Variants in RAB30 observed in about 807,000 individuals in gnomAD.
RAB30 encodes the protein RAB30, member RAS oncogene family, also known as ras-related protein Rab-30.
Under a neutral mutation model 25.1 loss-of-function variants are expected in RAB30, and 9 were observed. The observed-to-expected ratio is 0.36, with a 90% CI of 0.22 to 0.63. The LOEUF is 0.63. Among genes scored for constraint, RAB30 ranks in the 20% least tolerant of loss-of-function variants. The pLI is 0.69. For synonymous variants in RAB30, 77 were observed against 86.4 expected, an observed-to-expected ratio of 0.89 and a Z score of 0.60; for missense variants, 140 against 243.5, an observed-to-expected ratio of 0.58 and a Z score of 2.83.
chr11:83,059,598 C>G (rs1388328945), intron 1 of RAB30, among the ~76,000 whole-genome samples: 1 of 152,220 alleles, frequency 6.6e-6, no homozygotes, highest in Non-Finnish European at 1.5e-5. Flanking sequence ...AACCAAGTAG[C>G]AGGACCAGCT....
intron 1 of RAB30, among the ~76,000 whole-genome samples, chr11:83,012,745 G>A (rs1396204274): frequency 6.6e-6 from 1 of 152,156 alleles, no homozygotes; most frequent in Admixed American, 6.5e-5. Flanking sequence ...TATTGTTATT[G>A]TTGGGCGAAA....
At chr11:82,990,142 A>G (rs1856821961) in intron 3 of RAB30, among the ~76,000 whole-genome samples, 1 of 152,228 alleles carries the variant, frequency 6.6e-6, no homozygotes, top group Non-Finnish European at 1.5e-5. Context: ...TCTCACCTTC[A>G]GCATGTGGCT....
intron 1 of RAB30, among the ~76,000 whole-genome samples, chr11:83,012,786 C>G (rs1857332076): frequency 6.6e-6 from 1 of 152,128 alleles, no homozygotes. Context: ...CATGCAGAGC[C>G]CTCCACAGCC....
intron 1 of RAB30, among the ~76,000 whole-genome samples, chr11:83,056,888 A>ACTT (rs1250184661): frequency 5.3e-5 from 8 of 152,252 alleles, no homozygotes; most frequent in Admixed American, 5.2e-4. Flanking sequence ...AATGAAAATA[A>ACTT]CTTACTATAC....
intron 1 of RAB30, among the ~76,000 whole-genome samples, chr11:82,998,120 A>T (rs1856997479): frequency 6.6e-6 from 1 of 152,216 alleles, no homozygotes; most frequent in Admixed American, 6.5e-5. Flanking sequence ...CACTTGCTGT[A>T]TACAATTGTT....
chr11:83,023,124 T>C (rs1022383017), intron 1 of RAB30, among the ~76,000 whole-genome samples: 11 of 152,116 alleles, frequency 7.2e-5, no homozygotes, highest in Non-Finnish European at 1.3e-4. Context: ...TTCTAATAGT[T>C]GGGGGAAAAT....
chr11:82,976,894 T>A lies in RAB30; in HGVS notation c.*5271A>T, dbSNP rs1856554984. The A allele has an allele frequency of 6.6e-6, 1 of 152,214 alleles. No individual in the cohort carries two copies. The highest frequency in any genetic ancestry group is 2.1e-4 in the South Asian group (1 of 4,838). The allele number at this position is 152,214 out of a possible 1,614,324, so 9.4% of individuals were successfully genotyped here. On this transcript the variant is annotated 3_prime_UTR_variant, in exon 5 of 5. Coordinates refer to ENST00000527633, the MANE Select transcript of RAB30 (RefSeq NM_001286060.2). The stretch of plus-strand genomic sequence containing the variant: ...ATACTTGTTTTTATTGCTTTCCACA[T>A]AAAGCAATTTGACCTCAGTTCTTTT...
At chr11:83,053,742 A>G (rs1373463425) in intron 1 of RAB30, among the ~76,000 whole-genome samples, 1 of 152,212 alleles carries the variant, frequency 6.6e-6, no homozygotes, top group Non-Finnish European at 1.5e-5. Flanking sequence ...GTCATATATG[A>G]CTAAATTTTC....
At chr11:83,022,975 G>GTGTA (rs1555036389) in intron 1 of RAB30, among the ~76,000 whole-genome samples, 3 of 150,312 alleles carry the variant, frequency 2.0e-5, no homozygotes, top group Non-Finnish European at 3.0e-5. Flanking sequence ...GTATGTATGT[G>GTGTA]TATATATATA....
chr11:82,993,937 G>A, intron 3 of RAB30, 102 bp downstream of exon 3: 3 of 919,916 alleles, frequency 3.3e-6, no homozygotes, highest in East Asian at 2.5e-5. Context: ...TTGTTTCCAT[G>A]TGGGTTTCAA....
At chr11:83,048,295 C>T (rs1858277252) in intron 1 of RAB30, among the ~76,000 whole-genome samples, 1 of 152,030 alleles carries the variant, frequency 6.6e-6, no homozygotes, top group African/African-American at 2.4e-5. Context: ...GCCTGGGCAA[C>T]ATAGTGAAAT....
intron 1 of RAB30, among the ~76,000 whole-genome samples, chr11:83,056,636 T>C (rs774621840): frequency 6.6e-6 from 1 of 152,150 alleles, no homozygotes; most frequent in Non-Finnish European, 1.5e-5. Context: ...CCACATAAAA[T>C]TGCAAATTGT....
rs533269010 is a variant in RAB30 at position 82,974,344 on chromosome 11, T to C, written c.*7821A>G. On this transcript the variant is annotated 3_prime_UTR_variant, in exon 5 of 5. Coordinates refer to ENST00000527633, the MANE Select transcript of RAB30 (RefSeq NM_001286060.2). ...CCCCACTTCCCTTTTTTAATGTTGATTGAATTTTTCATACAATCACCTTTC... is the reference window on the plus strand; with the variant it reads ...CCCCACTTCCCTTTTTTAATGTTGACTGAATTTTTCATACAATCACCTTTC... 113 of 152,306 alleles carry C rather than the reference T, an allele frequency of 7.4e-4. 1 individual carries two copies. The highest frequency in any genetic ancestry group is 2.6e-3 in the African/African-American group (108 of 41,568). 9.4% of individuals were successfully genotyped at this position (152,306 alleles called of 1,614,324 possible).
intron 1 of RAB30, among the ~76,000 whole-genome samples, chr11:83,067,613 A>G (rs915086919): frequency 6.6e-6 from 1 of 152,212 alleles, no homozygotes; most frequent in African/African-American, 2.4e-5. Context: ...GTTGCTCAAG[A>G]AAAAAACTCA....
chr11:83,010,686 G>T (rs1857284315), intron 1 of RAB30, among the ~76,000 whole-genome samples: 2 of 152,058 alleles, frequency 1.3e-5, no homozygotes, highest in Admixed American at 1.3e-4. Context: ...GGTCTTACTT[G>T]GCACATACCA....
chr11:83,069,521 A>T (rs1047508048), intron 1 of RAB30, among the ~76,000 whole-genome samples: 1 of 152,256 alleles, frequency 6.6e-6, no homozygotes, highest in South Asian at 2.1e-4. Context: ...TCTTCAAAAA[A>T]CCAAATGGGC....
intron 1 of RAB30, among the ~76,000 whole-genome samples, chr11:82,998,063 C>T (rs1856995900): frequency 6.6e-6 from 1 of 152,148 alleles, no homozygotes; most frequent in Non-Finnish European, 1.5e-5. Context: ...CACTGATCTT[C>T]CCCAAATAAA....
intron 1 of RAB30, among the ~76,000 whole-genome samples, chr11:83,050,364 C>T (rs1398088895): frequency 1.3e-5 from 2 of 152,162 alleles, no homozygotes; most frequent in Non-Finnish European, 1.5e-5. Context: ...ACTGTAAGAA[C>T]CTTGAGGTTC....
At chr11:83,069,245 TA>T (rs1858776471) in intron 1 of RAB30, among the ~76,000 whole-genome samples, 1 of 152,310 alleles carries the variant, frequency 6.6e-6, no homozygotes, top group East Asian at 1.9e-4. Context: ...GGTAAGGAAG[TA>T]TTTCAGAAGA....
Sources: gnomAD v4.1 joint callset for allele counts (sites outside exome capture counted in the v4.1 genomes callset) on GRCh38, gnomAD v4.1.1 for gene constraint, MANE v1.5 for transcripts, NCBI Gene and HGNC (gene_info 2026-07-23, HGNC 2026-07-21) for gene names.